The following GIP variants were observed in gnomAD, a reference collection of about 807,000 sequenced individuals.
The protein encoded by GIP is gastric inhibitory polypeptide.
GIP carries 16 observed loss-of-function variants against 18.1 expected under a neutral mutation model. The ratio of observed to expected loss-of-function variants is 0.88; its 90% CI spans 0.60 to 1.34. GIP has a LOEUF of 1.34. Among genes scored for constraint, GIP ranks in the 40% most tolerant of loss-of-function variants. The pLI is 0.00. For missense variants in GIP, 192 were observed against 183.4 expected (o/e 1.05, Z -0.27); for synonymous variants, 76 against 74.0 (o/e 1.03, Z -0.14).
intron 4 of GIP, 139 bp from the exon 5 acceptor site, chr17:48,961,126 GCT>G: frequency 1.7e-6 from 1 of 605,122 alleles, no homozygotes; most frequent in South Asian, 2.0e-5. Context: ...CGTTGGCTCA[GCT>G]CTGAGATCTG....
At chr17:48,966,349 A>T (rs1455732563) in intron 2 of GIP, among the ~76,000 whole-genome samples, 1 of 151,416 alleles carries the variant, frequency 6.6e-6, no homozygotes, top group East Asian at 1.9e-4. Context: ...TAAGGTCAGG[A>T]GTTCGAGACC....
intron 3 of GIP, among the ~76,000 whole-genome samples, 154 bp from the exon 4 acceptor site, chr17:48,961,973 G>A (rs773648930): frequency 4.6e-5 from 7 of 152,200 alleles, no homozygotes; most frequent in Non-Finnish European, 8.8e-5. Context: ...CCAGTGAACA[G>A]CTTTTCAGAA....
At chr17:48,964,052 CA>C (rs1164098629) in intron 3 of GIP, among the ~76,000 whole-genome samples, 1 of 147,518 alleles carries the variant, frequency 6.8e-6, no homozygotes, top group African/African-American at 2.5e-5. Flanking sequence ...CCCAGCTACT[CA>C]GGAGGCTGAG....
chr17:48,958,977 C>G (rs2041184421), intron 5 of GIP, among the ~76,000 whole-genome samples: 1 of 151,812 alleles, frequency 6.6e-6, no homozygotes, highest in Non-Finnish European at 1.5e-5. Flanking sequence ...GCCTCAGCCT[C>G]CCGAGTAGCT....
chr17:48,959,769 A>G (rs113357985), intron 5 of GIP, among the ~76,000 whole-genome samples: 1,652 of 129,614 alleles, frequency 0.013, 9 homozygotes, highest in African/African-American at 0.027. Flanking sequence ...AGGGACAGGC[A>G]GGACACAGGA....
chr17:48,960,930 C>T lies in GIP; in HGVS notation c.408G>A (p.Glu136=), dbSNP rs764319515. The T allele has an allele frequency of 3.1e-6, 5 of 1,608,928 alleles. No individual in the cohort carries two copies. The highest frequency in any genetic ancestry group is 1.3e-5 in the African/African-American group (1 of 74,898). Residue 136 remains glutamate, a synonymous_variant, in exon 5 of 6, where the codon GAG becomes GAA. Transcript: ENST00000357424. The stretch of plus-strand genomic sequence containing the variant: ...TCTGATCCAGCAAGCAGGCCAACAG[C>T]TCTTGAATCAGCAAGTCCCGCAGCA... ...EDLLRDLLIQ[E]LLACLLDQTN... is the part of the protein sequence containing the mutation.
rs2143856010 is a variant in GIP at position 48,968,581 on chromosome 17, A to G, written c.-86T>C. 1 of 152,186 alleles carries G rather than the reference A, an allele frequency of 6.6e-6. No individual in the cohort carries two copies. Among genetic ancestry groups the G allele is most frequent in the Non-Finnish European group, 1.5e-5 (1 of 68,030 alleles). The allele number at this position is 152,186 out of a possible 1,614,324, so 9.4% of individuals were successfully genotyped here. A position where few individuals can be genotyped will look rare whatever the true frequency, so the allele number is the denominator to read the frequency against. On this transcript the variant is annotated 5_prime_UTR_variant, in exon 1 of 6. Coordinates refer to ENST00000357424, the MANE Select transcript of GIP (RefSeq NM_004123.3). ...GGGGTCTCCTTCCCCTGATTTCTGG[A>G]CCTTCTGAGCCTGCTGAAGAAATCA...
In GIP at chr17:48,960,949, C is replaced by G. The variant is rs148732781; in HGVS notation, c.389G>C (p.Arg130Pro). The change falls in exon 5 of 6, where the codon CGG becomes CCG. Residue 130 changes from arginine (R) to proline (P), a missense_variant. Coordinates refer to ENST00000357424, the MANE Select transcript of GIP (RefSeq NM_004123.3). The stretch of plus-strand genomic sequence containing the variant: ...CAACAGCTCTTGAATCAGCAAGTCC[C>G]GCAGCAAATCTTCATCGCTGGGGTT... ...AKNPSDEDLL[R>P]DLLIQELLAC... 9.9e-6 allele frequency: 16 copies of G among 1,609,790 alleles called. No individual in the cohort carries two copies. In the African/African-American group the frequency reaches 1.7e-4, roughly 17 times the overall value.
rs763812194 is a variant in GIP at position 48,964,299 on chromosome 17, C to A, written c.257+11G>T. ...GCACAGGGAACAGGAGGAGTGTAAGCAGCGACTCACTCATTCTTCTTCCCC... is the reference window on the plus strand; with the variant it reads ...GCACAGGGAACAGGAGGAGTGTAAGAAGCGACTCACTCATTCTTCTTCCCC... On this transcript the variant is annotated intron_variant, in intron 3 of 5. Coordinates refer to ENST00000357424, the MANE Select transcript of GIP (RefSeq NM_004123.3). The A allele has an allele frequency of 1.1e-5, 17 of 1,609,590 alleles. No individual in the cohort carries two copies. The Admixed American group carries it at 2.8e-4, about 27-fold the overall frequency.
intron 4 of GIP, 117 bp downstream of exon 4, chr17:48,961,610 G>C: frequency 1.5e-6 from 1 of 659,488 alleles, no homozygotes; most frequent in Non-Finnish European, 2.7e-6. Flanking sequence ...AACTCTGAGA[G>C]GAAGAGGATG....
chr17:48,962,587 T>C (rs2041206529), intron 3 of GIP, among the ~76,000 whole-genome samples: 1 of 150,238 alleles, frequency 6.7e-6, no homozygotes, highest in Non-Finnish European at 1.5e-5. Flanking sequence ...CAGGAGGGCC[T>C]CAAGCTCCTG....
In GIP at chr17:48,961,679, C is replaced by T. The variant is rs112700586; in HGVS notation, c.350+48G>A. On this transcript the variant is annotated intron_variant, in intron 4 of 5. Transcript: ENST00000357424. ...GGGAGAGGGAACAAAGAGGTGGGGG[C>T]GGGGCAGGAGGCTTGGCTCCCTCCC... 9.3e-4 allele frequency: 1,085 copies of T among 1,162,140 alleles called. 9 individuals are homozygous for T. The African/African-American group carries it at 0.014, about 15-fold the overall frequency. The allele number at this position is 1,162,140 out of a possible 1,614,324, so 72.0% of individuals were successfully genotyped here. A position where few individuals can be genotyped will look rare whatever the true frequency, so the allele number is the denominator to read the frequency against.
In GIP at chr17:48,961,788, G is replaced by C. The variant is rs373463635; in HGVS notation, c.289C>G (p.Arg97Gly). The part of the protein sequence containing the change: ...WKHNITQREA[R>G]ALELASQANR... ...GCTTGACTGGCCAGCTCCAGCGCCC[G>C]AGCCTCCCTCTGGGTGATGTTGTGT... Residue 97 changes from arginine to glycine, a missense_variant, in exon 4 of 6, where the codon CGG (arginine) becomes GGG (glycine). Physicochemically the swap from Arg to Gly is moderately radical, Grantham distance 125. Coordinates refer to ENST00000357424, the MANE Select transcript of GIP (RefSeq NM_004123.3). 4.3e-6 allele frequency: 7 copies of C among 1,612,874 alleles called. No homozygotes were observed. The highest frequency in any genetic ancestry group is 1.7e-5 in the Admixed American group (1 of 59,966).
intron 3 of GIP, among the ~76,000 whole-genome samples, chr17:48,963,623 G>A (rs1046551977): frequency 2.0e-5 from 3 of 151,812 alleles, no homozygotes; most frequent in African/African-American, 7.3e-5. Context: ...TCGAGCCACT[G>A]CACTCCAGCC....
chr17:48,965,691 G>A (rs1372389236), intron 2 of GIP, among the ~76,000 whole-genome samples: 2 of 150,482 alleles, frequency 1.3e-5, no homozygotes, highest in African/African-American at 4.9e-5. Context: ...TCCTGCCCTG[G>A]CCCTTCCTGA....
At chr17:48,959,892 C>G (rs71369835) in intron 5 of GIP, among the ~76,000 whole-genome samples, 1 of 9,964 alleles carries the variant, frequency 1.0e-4, no homozygotes, top group Admixed American at 1.2e-3. Flanking sequence ...GACAGGCAGG[C>G]CACAGGATGG....
chr17:48,961,937 C>G (rs2041202962), intron 3 of GIP, 118 bp from the exon 4 acceptor site: 3 of 706,676 alleles, frequency 4.2e-6, no homozygotes, highest in Middle Eastern at 4.7e-4. Context: ...TCAACCCCAC[C>G]TAACAGTGGT....
intron 3 of GIP, 88 bp downstream of exon 3, chr17:48,964,222 C>G (rs1420956776): frequency 1.1e-6 from 1 of 929,950 alleles, no homozygotes; most frequent in Non-Finnish European, 1.7e-6. Context: ...CATCATGTGG[C>G]CTGTGTGGCC....
chr17:48,967,288 G>T, intron 1 of GIP, 35 bp from the exon 2 acceptor site: 2 of 1,370,670 alleles, frequency 1.5e-6, no homozygotes, highest in Non-Finnish European at 2.1e-6. Flanking sequence ...TGTTGAGAGA[G>T]CAACCAGTAG....
Sources: allele counts gnomAD v4.1 joint callset (sites outside exome capture counted in the v4.1 genomes callset), GRCh38; gene constraint gnomAD v4.1.1; transcripts MANE v1.5; gene names NCBI Gene and HGNC (gene_info 2026-07-23, HGNC 2026-07-21).